The following SIL1 variants were observed in gnomAD, a reference collection of about 807,000 sequenced individuals.
SIL1 encodes SIL1 nucleotide exchange factor, also known as nucleotide exchange factor SIL1.
A neutral mutation model predicts 49.1 loss-of-function variants in SIL1; 40 were observed. That is an observed-to-expected ratio of 0.81 (90% CI 0.63 to 1.06). The LOEUF is 1.06. SIL1 is among the 50% of genes least tolerant of loss of function. The pLI is 0.00. For missense variants in SIL1, 500 were observed against 572.6 expected, an observed-to-expected ratio of 0.87 and a Z score of 1.29; for synonymous variants, 253 against 250.8, an observed-to-expected ratio of 1.01 and a Z score of -0.08.
intron 7 of SIL1, among the ~76,000 whole-genome samples, chr5:138,996,057 C>T (rs1202039718): frequency 2.0e-5 from 3 of 152,316 alleles, no homozygotes; most frequent in Admixed American, 6.5e-5. Context: ...ATACACCCAG[C>T]AGAATTGCTG....
intron 7 of SIL1, among the ~76,000 whole-genome samples, chr5:138,989,426 A>G (rs1331812394): frequency 1.3e-5 from 2 of 152,178 alleles, no homozygotes; most frequent in Non-Finnish European, 2.9e-5. Flanking sequence ...GGTTTGAATG[A>G]ACCTCTGTGT....
chr5:138,976,035 G>A (rs1282134337), intron 7 of SIL1, among the ~76,000 whole-genome samples: 1 of 152,230 alleles, frequency 6.6e-6, no homozygotes, highest in Admixed American at 6.5e-5. Context: ...GAAGTGTGAC[G>A]TATCCATAGA....
At chr5:138,993,754 C>T (rs1160861034) in intron 7 of SIL1, among the ~76,000 whole-genome samples, 2 of 152,196 alleles carry the variant, frequency 1.3e-5, no homozygotes, top group Non-Finnish European at 2.9e-5. Context: ...GAACTGAACT[C>T]TGCCAACAAC....
At chr5:138,958,972 G>A (rs1027796457) in intron 7 of SIL1, among the ~76,000 whole-genome samples, 1 of 152,000 alleles carries the variant, frequency 6.6e-6, no homozygotes, top group African/African-American at 2.4e-5. Flanking sequence ...CTATGGAATG[G>A]CATCCATTTC....
At chr5:139,065,331 A>G (rs1769681345) in intron 3 of SIL1, among the ~76,000 whole-genome samples, 1 of 152,204 alleles carries the variant, frequency 6.6e-6, no homozygotes, top group African/African-American at 2.4e-5. Flanking sequence ...AGACATCAGA[A>G]TAGAAATCAA....
chr5:139,048,173 T>A (rs1429081327), intron 4 of SIL1, among the ~76,000 whole-genome samples: 1 of 152,036 alleles, frequency 6.6e-6, no homozygotes, highest in African/African-American at 2.4e-5. Context: ...TTTTTTCAGA[T>A]AGGGTCTCAC....
At chr5:139,003,579 G>T (rs548474697) in intron 7 of SIL1, among the ~76,000 whole-genome samples, 1 of 152,262 alleles carries the variant, frequency 6.6e-6, no homozygotes, top group Admixed American at 6.5e-5. Flanking sequence ...CTAGGAGTGG[G>T]TCAACAAAGC....
chr5:138,950,507 G>A (rs1260652806), intron 9 of SIL1, among the ~76,000 whole-genome samples: 1 of 152,218 alleles, frequency 6.6e-6, no homozygotes, highest in African/African-American at 2.4e-5. Context: ...GCCCAGCCCT[G>A]CTCCACTAGT....
intron 4 of SIL1, among the ~76,000 whole-genome samples, chr5:139,047,883 A>C (rs1769200872): frequency 6.6e-6 from 1 of 152,184 alleles, no homozygotes; most frequent in Admixed American, 6.5e-5. Flanking sequence ...TCAGGCAGAG[A>C]CTCTCCAAAG....
At chr5:139,097,665 A>G (rs971270815) in intron 3 of SIL1, among the ~76,000 whole-genome samples, 3 of 151,908 alleles carry the variant, frequency 2.0e-5, no homozygotes, top group African/African-American at 7.3e-5. Flanking sequence ...TTTAGTAGAG[A>G]CACGGTTTCA....
At position 139,121,130 on chromosome 5, in the gene SIL1, T is replaced by C. The variant is rs1750626305; in HGVS notation, c.149A>G (p.Glu50Gly). Residue 50 changes from glutamate to glycine, a missense_variant, in exon 3 of 10, where the codon GAA (glutamate) becomes GGA (glycine). Coordinates refer to ENST00000394817, the MANE Select transcript of SIL1 (RefSeq NM_022464.5). ...LTNPEKSSTK[E>G]TERKETKAEE... ...GGCTTTGGTTTCTTTTCTCTCTGTT[T>C]CTTTGGTGCTGCTCTTCTCTGGGTT... 6.2e-7 allele frequency: 1 copy of C among 1,614,088 alleles called. No individual in the cohort carries two copies.
intron 7 of SIL1, among the ~76,000 whole-genome samples, chr5:138,978,043 C>T (rs771615752): frequency 7.9e-5 from 12 of 152,178 alleles, no homozygotes; most frequent in African/African-American, 2.4e-4. Context: ...CTTCATAACA[C>T]GTTACTGACT....
At chr5:139,190,686 A>G (rs1250404024) in intron 1 of SIL1, among the ~76,000 whole-genome samples, 4 of 152,178 alleles carry the variant, frequency 2.6e-5, no homozygotes, top group African/African-American at 9.7e-5. Context: ...ATAAAAACCT[A>G]TCAAATGCAA....
At chr5:139,124,376 T>C (rs1750713958) in intron 2 of SIL1, among the ~76,000 whole-genome samples, 1 of 152,210 alleles carries the variant, frequency 6.6e-6, no homozygotes, top group Non-Finnish European at 1.5e-5. Flanking sequence ...CTGTTCAAAA[T>C]GTTTTTTGCA....
intron 4 of SIL1, among the ~76,000 whole-genome samples, chr5:139,048,301 T>C (rs1289358020): frequency 2.0e-5 from 3 of 150,274 alleles, no homozygotes; most frequent in Admixed American, 6.6e-5. Context: ...ACAGGCATAA[T>C]ACACACCACA....
At chr5:139,107,816 A>G (rs1156271194) in intron 3 of SIL1, among the ~76,000 whole-genome samples, 3 of 152,218 alleles carry the variant, frequency 2.0e-5, no homozygotes, top group Non-Finnish European at 2.9e-5. Flanking sequence ...ATCACAGTAA[A>G]CATTTCATGT....
intron 7 of SIL1, among the ~76,000 whole-genome samples, chr5:138,989,134 G>A (rs928229321): frequency 3.3e-5 from 5 of 152,288 alleles, no homozygotes; most frequent in African/African-American, 1.2e-4. Context: ...CCATGTGACT[G>A]TATTACCAAA....
At chr5:138,956,742 TAAA>T (rs57796613) in intron 7 of SIL1, among the ~76,000 whole-genome samples, 1 of 133,982 alleles carries the variant, frequency 7.5e-6, no homozygotes. Flanking sequence ...GACTCTATCT[TAAA>T]AAAAAAAAAA....
At chr5:139,158,401 C>A (rs1410038595) in intron 1 of SIL1, among the ~76,000 whole-genome samples, 1 of 152,204 alleles carries the variant, frequency 6.6e-6, no homozygotes, top group Non-Finnish European at 1.5e-5. Context: ...ATTCCTGCAT[C>A]CTCAGAGAGA....
Sources: allele counts gnomAD v4.1 joint callset (sites outside exome capture counted in the v4.1 genomes callset), GRCh38; gene constraint gnomAD v4.1.1; transcripts MANE v1.5; gene names NCBI Gene and HGNC (gene_info 2026-07-23, HGNC 2026-07-21).